The following YEATS2 variants were observed in gnomAD, a reference collection of about 807,000 sequenced individuals.
YEATS2 encodes the protein YEATS domain containing 2.
Under a neutral mutation model 163.2 loss-of-function variants are expected in YEATS2, and 77 were observed. The ratio of observed to expected loss-of-function variants is 0.47; its 90% CI spans 0.39 to 0.57. The LOEUF (loss-of-function observed/expected upper bound fraction) is 0.57, where lower values mean the gene tolerates loss of function less well. Among genes scored for constraint, YEATS2 ranks in the 20% least tolerant of loss-of-function variants. The pLI is 0.00. For missense variants in YEATS2, 1,549 were observed against 1,729.8 expected, an observed-to-expected ratio of 0.90 and a Z score of 1.85; for synonymous variants, 631 against 645.1, an observed-to-expected ratio of 0.98 and a Z score of 0.33.
At chr3:183,700,766 GTC>G (rs1650799724) in intron 1 of YEATS2, among the ~76,000 whole-genome samples, 1 of 86,274 alleles carries the variant, frequency 1.2e-5, no homozygotes. Context: ...GGGAGACTTC[GTC>G]TCAAAAAAAA....
At chr3:183,723,652 G>A (rs1358947301) in intron 5 of YEATS2, among the ~76,000 whole-genome samples, 3 of 152,022 alleles carry the variant, frequency 2.0e-5, no homozygotes, top group East Asian at 1.9e-4. Context: ...GGTGGCTCAC[G>A]CCTGTAATCC....
intron 19 of YEATS2, among the ~76,000 whole-genome samples, chr3:183,784,189 G>C (rs971738317): frequency 6.6e-6 from 1 of 152,162 alleles, no homozygotes; most frequent in Non-Finnish European, 1.5e-5. Context: ...CCCAACCTTT[G>C]TTTTCTGTTC....
At chr3:183,801,162 C>T in intron 24 of YEATS2, 1 of 245,924 alleles carries the variant, frequency 4.1e-6, no homozygotes, top group African/African-American at 2.3e-5. Flanking sequence ...GTAGCAGTCA[C>T]ATTGCAAAAA....
chr3:183,748,581 C>G (rs891555732), intron 9 of YEATS2, among the ~76,000 whole-genome samples: 14 of 151,686 alleles, frequency 9.2e-5, no homozygotes, highest in Non-Finnish European at 1.3e-4. Flanking sequence ...TTCTCCTTTT[C>G]TCTTCTCTTT....
At chr3:183,705,735 A>G (rs559443085) in intron 1 of YEATS2, among the ~76,000 whole-genome samples, 2 of 152,298 alleles carry the variant, frequency 1.3e-5, no homozygotes, top group South Asian at 2.1e-4. Flanking sequence ...TTTGGCAGAT[A>G]TTTTAGTTAA....
chr3:183,722,446 G>A (rs533511543), intron 5 of YEATS2, among the ~76,000 whole-genome samples: 2 of 151,914 alleles, frequency 1.3e-5, no homozygotes, highest in Non-Finnish European at 2.9e-5. Context: ...GTGCCACCAC[G>A]CCCGGCTAAT....
Position 183,724,518 on chromosome 3 carries a change from G to C in YEATS2, c.637G>C (p.Gly213Arg). Reference protein sequence around the residue: ...RLFVKKTIVVGNVSKYIPPDK... With the variant: ...RLFVKKTIVVRNVSKYIPPDK... Reference sequence around the variant, plus strand: ...TTTTGTAAAGAAAACAATAGTAGTGGGCAATGTGTCCAAGTGAGTATCCAG... The same window carrying C: ...TTTTGTAAAGAAAACAATAGTAGTGCGCAATGTGTCCAAGTGAGTATCCAG... The change falls in exon 6 of 31, where the codon GGC becomes CGC. Residue 213 changes from glycine (G) to arginine (R), a missense_variant. Gly to Arg is a moderately radical substitution (Grantham distance 125, BLOSUM62 -2). Transcript: ENST00000305135. 1 of 1,608,966 alleles carries C rather than the reference G, an allele frequency of 6.2e-7. No homozygotes were observed. The highest frequency in any genetic ancestry group is 1.1e-5 in the South Asian group (1 of 90,556).
At chr3:183,772,165 C>A in intron 15 of YEATS2, 140 bp from the exon 16 acceptor site, 1 of 1,111,950 alleles carries the variant, frequency 9.0e-7, no homozygotes, top group Non-Finnish European at 1.3e-6. Flanking sequence ...GCCGTTCACA[C>A]CTGTGTAGGT....
chr3:183,700,483 C>G (rs1368440417), intron 1 of YEATS2, among the ~76,000 whole-genome samples: 23 of 152,094 alleles, frequency 1.5e-4, no homozygotes, highest in Admixed American at 1.5e-3. Flanking sequence ...TGGTCCTGCT[C>G]TGCTTTCAGT....
chr3:183,784,095 G>A (rs901283834), intron 19 of YEATS2, among the ~76,000 whole-genome samples: 1 of 152,106 alleles, frequency 6.6e-6, no homozygotes, highest in African/African-American at 2.4e-5. Context: ...CTAGTGACAG[G>A]GTCAAGGTTG....
chr3:183,751,723 A>G (rs1720184540), intron 9 of YEATS2, among the ~76,000 whole-genome samples: 1 of 152,202 alleles, frequency 6.6e-6, no homozygotes. Context: ...CTCTCTGAGA[A>G]GGTGCTACTT....
chr3:183,763,041 A>T (rs1721535032), intron 15 of YEATS2, among the ~76,000 whole-genome samples: 2 of 147,680 alleles, frequency 1.4e-5, no homozygotes, highest in Admixed American at 7.0e-5. Flanking sequence ...ACAGAGAGAG[A>T]CTCTGTCTCA....
At chr3:183,721,018 C>T (rs1316224049) in intron 4 of YEATS2, among the ~76,000 whole-genome samples, 1 of 152,156 alleles carries the variant, frequency 6.6e-6, no homozygotes, top group African/African-American at 2.4e-5. Context: ...ATTACATGAG[C>T]AATGATTCTG....
At chr3:183,780,275 C>T (rs528278515) in intron 19 of YEATS2, among the ~76,000 whole-genome samples, 1 of 152,286 alleles carries the variant, frequency 6.6e-6, no homozygotes, top group Admixed American at 6.5e-5. Flanking sequence ...GCATGGAGAA[C>T]ACTGGAAACT....
chr3:183,712,509 C>G (rs1242277902), intron 1 of YEATS2, among the ~76,000 whole-genome samples: 1 of 151,924 alleles, frequency 6.6e-6, no homozygotes, highest in South Asian at 2.1e-4. Context: ...CCGCAGCCAG[C>G]CTAATTTTAT....
intron 7 of YEATS2, among the ~76,000 whole-genome samples, chr3:183,730,610 C>T (rs1390130360): frequency 6.6e-6 from 1 of 151,806 alleles, no homozygotes; most frequent in Non-Finnish European, 1.5e-5. Flanking sequence ...GCTTCCAGAC[C>T]ACCTTTCCCT....
chr3:183,729,809 T>G (rs1717527499), intron 7 of YEATS2, among the ~76,000 whole-genome samples: 1 of 151,974 alleles, frequency 6.6e-6, no homozygotes, highest in Non-Finnish European at 1.5e-5. Flanking sequence ...TGCCTCAGCC[T>G]CCCAAGTAGC....
chr3:183,769,625 A>C (rs1323447798), intron 15 of YEATS2, among the ~76,000 whole-genome samples: 2 of 152,236 alleles, frequency 1.3e-5, no homozygotes, highest in African/African-American at 2.4e-5. Context: ...CTGTCTGCTT[A>C]CCGAAACCTG....
intron 21 of YEATS2, among the ~76,000 whole-genome samples, chr3:183,791,630 A>G (rs1018378943): frequency 8.5e-5 from 13 of 152,326 alleles, no homozygotes; most frequent in Non-Finnish European, 1.5e-4. Context: ...CTTTTTTCCT[A>G]TAATCAGTGT....
Sources: gnomAD v4.1 joint callset for allele counts (sites outside exome capture counted in the v4.1 genomes callset) on GRCh38, gnomAD v4.1.1 for gene constraint, MANE v1.5 for transcripts, NCBI Gene and HGNC (gene_info 2026-07-23, HGNC 2026-07-21) for gene names.